Variants in LAMP1 observed in about 807,000 individuals in gnomAD.
LAMP1 encodes lysosome-associated membrane glycoprotein 1.
LAMP1 carries 7 observed loss-of-function variants against 37.5 expected under a neutral mutation model. That is an observed-to-expected ratio of 0.19 (90% CI 0.11 to 0.35). The LOEUF (loss-of-function observed/expected upper bound fraction) is 0.35. LAMP1 is among the 10% of genes least tolerant of loss of function. The probability of loss-of-function intolerance (pLI) is 1.00; values close to 1 mark genes in which losing one functional copy is unlikely to be tolerated. For synonymous variants in LAMP1, 236 were observed against 229.1 expected, an observed-to-expected ratio of 1.03 and a Z score of -0.27; for missense variants, 537 against 552.8, an observed-to-expected ratio of 0.97 and a Z score of 0.29.
chr13:113,320,138 C>T lies in LAMP1; in HGVS notation c.751-207C>T, dbSNP rs150604516. 3.9e-5 allele frequency among the ~76,000 whole-genome samples: 6 copies of T among 152,228 alleles called. No individual in the cohort carries two copies. Among genetic ancestry groups the T allele is most frequent in the East Asian group, 3.9e-4 (2 of 5,182 alleles). Reference sequence around the variant, plus strand: ...CTGCTGGTTGCCCTCCACGCGGGGACGCTGCACTCCAAGAGCAGCTGTCAC... The same window carrying T: ...CTGCTGGTTGCCCTCCACGCGGGGATGCTGCACTCCAAGAGCAGCTGTCAC... On this transcript the variant is annotated intron_variant, in intron 5 of 8. Transcript: ENST00000332556. The surrounding 1 kb of genome is among the most constrained non-coding windows in gnomAD (Gnocchi z 4.4).
chr13:113,317,610 T>G (rs1441327502), intron 4 of LAMP1, among the ~76,000 whole-genome samples: 1 of 151,956 alleles, frequency 6.6e-6, no homozygotes, highest in Non-Finnish European at 1.5e-5. Flanking sequence ...AGACTAGAAT[T>G]TGGACAAGAC....
At chr13:113,313,116 G>A (rs2042639356) in intron 4 of LAMP1, among the ~76,000 whole-genome samples, 1 of 152,118 alleles carries the variant, frequency 6.6e-6, no homozygotes, top group Non-Finnish European at 1.5e-5. Context: ...TCCTCCCCAT[G>A]TCGCTCTGTG....
intron 1 of LAMP1, among the ~76,000 whole-genome samples, chr13:113,301,694 T>TACAC (rs200969821): frequency 1.4e-5 from 2 of 139,158 alleles, no homozygotes; most frequent in Non-Finnish European, 3.0e-5. Flanking sequence ...TATATATATT[T>TACAC]ACACACACAC....
intron 1 of LAMP1, chr13:113,305,484 CTACCGTAGTGATCAGAT>C (rs1344105353): frequency 6.6e-6 from 1 of 152,232 alleles, no homozygotes; most frequent in Non-Finnish European, 1.5e-5. Context: ...ACCAGTGTCT[CTACCGTAGTGATCAGAT>C]TACATTTGTT....
In LAMP1 at chr13:113,310,050, G is replaced by A. The variant is rs188874534; in HGVS notation, c.403+188G>A. The stretch of plus-strand genomic sequence containing the variant: ...TTGAGACCAGCCTGGCCAACATTGC[G>A]AAACACTGTCTCTACTAAAAATACT... On this transcript the variant is annotated intron_variant, in intron 3 of 8. Transcript: ENST00000332556. Among the ~76,000 whole-genome samples the A allele has an allele frequency of 7.4e-3, 1,118 of 152,050 alleles. 11 individuals carry two copies. The highest frequency in any genetic ancestry group is 0.012 in the Non-Finnish European group (806 of 67,998).
At position 113,297,483 on chromosome 13, in the gene LAMP1, T is replaced by C; in HGVS notation, c.49T>C (p.Leu17=). 1 of 1,253,560 alleles carries C rather than the reference T, an allele frequency of 8.0e-7. No individual in the cohort carries two copies. Among genetic ancestry groups the C allele is most frequent in the Non-Finnish European group, 1.0e-6 (1 of 1,001,260 alleles). 77.7% of individuals were successfully genotyped at this position (1,253,560 alleles called of 1,614,324 possible). ...GCGACCCCTGCTGCTGCTACTGCTGTTGCTGCTGCTCGGTGAGGGGGTCGA... is the reference window on the plus strand; with the variant it reads ...GCGACCCCTGCTGCTGCTACTGCTGCTGCTGCTGCTCGGTGAGGGGGTCGA... ...ARRPLLLLLL[L]LLLGLMHCAS... Residue 17 remains leucine (L), a synonymous_variant, in exon 1 of 9, where the codon TTG becomes CTG. Coordinates refer to ENST00000332556, the MANE Select transcript of LAMP1 (RefSeq NM_005561.4). The surrounding 1 kb of genome is among the most constrained non-coding windows in gnomAD (Gnocchi z 4.4).
rs1463052363 is a variant in LAMP1, at chr13:113,310,692, T to TG, written c.404-17_404-16insG. 5 of 1,547,940 alleles carry TG rather than the reference T, an allele frequency of 3.2e-6. No homozygotes were observed. Among genetic ancestry groups the TG allele is most frequent in the Non-Finnish European group, 4.4e-6 (5 of 1,147,942 alleles). The stretch of plus-strand genomic sequence containing the variant: ...GCAAGTAGTTTGCAATTGTGATTTT[T>TG]TTTTTTTTTAATCTAGAAATCAAGA... On this transcript the variant is annotated splice_polypyrimidine_tract_variant and intron_variant, in intron 3 of 8. Transcript: ENST00000332556.
chr13:113,305,538 A>G (rs1218031608), intron 1 of LAMP1: 1 of 152,230 alleles, frequency 6.6e-6, no homozygotes, highest in African/African-American at 2.4e-5. Context: ...AGGGAAGTGG[A>G]GTATGAGTAA....
chr13:113,312,662 G>T (rs1032678207), intron 4 of LAMP1, among the ~76,000 whole-genome samples: 2 of 152,214 alleles, frequency 1.3e-5, no homozygotes, highest in Admixed American at 6.5e-5. Flanking sequence ...CCCGGGGGCC[G>T]TGGTGACAGC....
intron 2 of LAMP1, among the ~76,000 whole-genome samples, chr13:113,309,125 C>A (rs2042615747): frequency 6.6e-6 from 1 of 152,122 alleles, no homozygotes; most frequent in Admixed American, 6.5e-5. Context: ...TGTTTGGAGA[C>A]AGAGTCTTGC....
chr13:113,309,937 A>G (rs1229427625), intron 3 of LAMP1, 75 bp downstream of exon 3: 6 of 1,210,324 alleles, frequency 5.0e-6, no homozygotes, highest in Non-Finnish European at 7.2e-6. Context: ...ACTTTTACCT[A>G]AGAAGTACAG....
Position 113,320,410 on chromosome 13 carries a change from C to G in LAMP1, c.816C>G (p.His272Gln). The G allele has an allele frequency of 6.2e-7, 1 of 1,612,924 alleles. No homozygotes were observed. The highest frequency in any genetic ancestry group is 1.1e-5 in the South Asian group (1 of 91,084). Residue 272 changes from histidine (H) to glutamine (Q), a missense_variant, in exon 6 of 9, where the codon CAC becomes CAG. Transcript: ENST00000332556. This position sits in a 1 kb window ranked among gnomAD's most constrained non-coding sequence, Gnocchi z 4.4. ...KTSASGSCGA[H>Q]LVTLELHSEG... ...CGGCCAGCGGGAGCTGCGGCGCCCA[C>G]CTGGTGACTCTGGAGCTGCACAGCG...
rs201650159 is a variant in LAMP1, at chr13:113,306,586, G to A, written c.163G>A (p.Asp55Asn). 1.0e-4 allele frequency: 164 copies of A among 1,613,892 alleles called. No individual in the cohort carries two copies. Among genetic ancestry groups the A allele is most frequent in the South Asian group, 7.9e-4 (72 of 91,062 alleles). The change falls in exon 2 of 9, where the codon GAC becomes AAC. Residue 55 changes from aspartate to asparagine, a missense_variant. Asp to Asn is a conservative substitution (Grantham distance 23, BLOSUM62 1). Coordinates refer to ENST00000332556, the MANE Select transcript of LAMP1 (RefSeq NM_005561.4). ...NFSAAFSVNY[D>N]TKSGPKNMTF... ...CTCTGCTGCCTTCTCAGTGAACTAC[G>A]ACACCAAGAGTGGCCCTAAGGTAGG...
At chr13:113,311,159 C>CG (rs1283273241) in intron 4 of LAMP1, among the ~76,000 whole-genome samples, 1 of 150,838 alleles carries the variant, frequency 6.6e-6, no homozygotes, top group Non-Finnish European at 1.5e-5. Flanking sequence ...TGGGAGTCGG[C>CG]GGGGGGCGGG....
chr13:113,311,224 G>A (rs946685006), intron 4 of LAMP1, among the ~76,000 whole-genome samples: 3 of 152,116 alleles, frequency 2.0e-5, no homozygotes, highest in African/African-American at 4.8e-5. Flanking sequence ...AAGATAGAGC[G>A]TTTCCGGAAG....
intron 1 of LAMP1, among the ~76,000 whole-genome samples, chr13:113,298,424 C>T (rs1330891688): frequency 6.6e-6 from 1 of 151,930 alleles, no homozygotes; most frequent in Non-Finnish European, 1.5e-5. Context: ...GCCGCCCTCC[C>T]CCGTAATATG....
intron 1 of LAMP1, 91 bp from the exon 2 acceptor site, chr13:113,306,394 G>A (rs2042598470): frequency 1.6e-6 from 2 of 1,270,746 alleles, no homozygotes; most frequent in East Asian, 5.1e-5. Context: ...TGTAATAAAA[G>A]CCATCACTGC....
At position 113,310,736 on chromosome 13, in the gene LAMP1, A is replaced by G. The variant is rs1163528704; in HGVS notation, c.431A>G (p.Asp144Gly). 1 of 1,606,642 alleles carries G rather than the reference A, an allele frequency of 6.2e-7. No homozygotes were observed. The highest frequency in any genetic ancestry group is 1.3e-5 in the African/African-American group (1 of 74,566). The stretch of plus-strand genomic sequence containing the variant: ...ATCAAGACTGTGGAATCTATAACTG[A>G]CATCAGGGCAGATATAGATAAAAAA... ...KEIKTVESIT[D>G]IRADIDKKYR... Residue 144 changes from aspartate (D) to glycine (G), a missense_variant, in exon 4 of 9, where the codon GAC becomes GGC. By Grantham distance (94) the Asp-to-Gly change is moderately conservative (BLOSUM62 -1). Coordinates refer to ENST00000332556, the MANE Select transcript of LAMP1 (RefSeq NM_005561.4).
intron 1 of LAMP1, among the ~76,000 whole-genome samples, chr13:113,303,092 G>A (rs543207142): frequency 1.9e-3 from 290 of 152,300 alleles, no homozygotes; most frequent in Admixed American, 4.4e-3. Context: ...ATCAAAGCTG[G>A]CGTCAGTGCC....
Sources: allele counts gnomAD v4.1 joint callset (sites outside exome capture counted in the v4.1 genomes callset), GRCh38; gene constraint gnomAD v4.1.1; non-coding constraint Gnocchi (gnomAD v3.1); transcripts MANE v1.5; gene names NCBI Gene and HGNC (gene_info 2026-07-23, HGNC 2026-07-21).